Variants in NRXN1 observed in about 807,000 individuals in gnomAD.
The protein encoded by NRXN1 is neurexin 1.
A neutral mutation model predicts 150.9 loss-of-function variants in NRXN1; 39 were observed. The observed-to-expected ratio is 0.26, with a 90% confidence interval of 0.20 to 0.34. NRXN1 has a LOEUF of 0.34. Among genes scored for constraint, NRXN1 ranks in the 10% least tolerant of loss-of-function variants. The pLI is 1.00. For synonymous variants in NRXN1, 924 were observed against 757.0 expected, an observed-to-expected ratio of 1.22 and a Z score of -3.62; for missense variants, 1,815 against 1,949.9, an observed-to-expected ratio of 0.93 and a Z score of 1.30.
At chr2:50,694,241 T>A (rs1475763274) in intron 5 of NRXN1, among the ~76,000 whole-genome samples, 2 of 152,318 alleles carry the variant, frequency 1.3e-5, no homozygotes, top group Non-Finnish European at 2.9e-5. Context: ...TGGATTAGAC[T>A]AGAAAGAAAA....
intron 21 of NRXN1, among the ~76,000 whole-genome samples, chr2:49,960,692 C>T (rs1229739965): frequency 6.6e-6 from 1 of 152,068 alleles, no homozygotes; most frequent in Non-Finnish European, 1.5e-5. Context: ...AAATTAACAC[C>T]ACCCTCCCCA....
chr2:50,989,455 C>T (rs1044034353), intron 2 of NRXN1, among the ~76,000 whole-genome samples: 1 of 151,956 alleles, frequency 6.6e-6, no homozygotes, highest in African/African-American at 2.4e-5. Flanking sequence ...ACTCTGTTCA[C>T]CCTTGCCCCT....
intron 22 of NRXN1, among the ~76,000 whole-genome samples, chr2:49,929,138 TG>T (rs1429987752): frequency 6.6e-6 from 1 of 152,028 alleles, no homozygotes; most frequent in African/African-American, 2.4e-5. Flanking sequence ...AGGTATTGAA[TG>T]GGAAGGGATG....
chr2:50,589,882 G>A (rs956344162), intron 8 of NRXN1, among the ~76,000 whole-genome samples: 2 of 152,286 alleles, frequency 1.3e-5, no homozygotes, highest in African/African-American at 2.4e-5. Flanking sequence ...TCCTAGGCAC[G>A]TGCACCCTCA....
chr2:50,749,070 C>T (rs1375081308), intron 5 of NRXN1, among the ~76,000 whole-genome samples: 1 of 152,124 alleles, frequency 6.6e-6, no homozygotes, highest in Non-Finnish European at 1.5e-5. Context: ...AATCCATCCT[C>T]AGATTTTCTT....
intron 4 of NRXN1, 200 bp downstream of exon 4, chr2:50,922,458 A>G: frequency 1.5e-6 from 1 of 645,874 alleles, no homozygotes; most frequent in Non-Finnish European, 2.8e-6. Context: ...AAGGAAAATA[A>G]AAGCCACAGG....
chr2:50,642,854 A>G (rs940226793), intron 5 of NRXN1, among the ~76,000 whole-genome samples: 2 of 151,968 alleles, frequency 1.3e-5, no homozygotes, highest in African/African-American at 4.8e-5. Context: ...AAATAGACCA[A>G]TATGTGTGGA....
At chr2:50,040,357 T>A (rs1040352652) in intron 21 of NRXN1, among the ~76,000 whole-genome samples, 1 of 150,450 alleles carries the variant, frequency 6.6e-6, no homozygotes, top group Non-Finnish European at 1.5e-5. Context: ...CTAATATATA[T>A]CAAGTATTAT....
rs935580994 is a variant in NRXN1 at position 50,411,696 on chromosome 2, G to C, written c.3364+53746C>G. Among the ~76,000 whole-genome samples the C allele has an allele frequency of 7.3e-5, 3 of 40,822 alleles. No individual in the cohort carries two copies. In the Admixed American group the frequency reaches 8.3e-4, roughly 11 times the overall value. 26.8% of individuals were successfully genotyped at this position (40,822 alleles called of 152,430 possible). A position where few individuals can be genotyped will look rare whatever the true frequency, so the allele number is the denominator to read the frequency against. On this transcript the variant is annotated intron_variant, in intron 17 of 22. Coordinates refer to ENST00000401669, the MANE Select transcript of NRXN1 (RefSeq NM_001330078.2). ...CGGCAGCCGCCCTGTCTGGGAGGTG[G>C]GGGGGCAGCCCCCGCCCAGCCGCCA...
rs548220301 is a variant in NRXN1, at chr2:50,107,090, T to C, written c.3547-15596A>G. ...TAAATACACAAAAAAGAGAGCTTGATGACCACCTAAAATAACTTTTCAACA... is the reference window on the plus strand; with the variant it reads ...TAAATACACAAAAAAGAGAGCTTGACGACCACCTAAAATAACTTTTCAACA... On this transcript the variant is annotated intron_variant, in intron 18 of 22. Transcript: ENST00000401669. Among the ~76,000 whole-genome samples the C allele has an allele frequency of 2.0e-5, 3 of 152,158 alleles. No homozygotes were observed. The East Asian group carries it at 5.8e-4, about 29-fold the overall frequency.
chr2:50,543,156 A>G (rs2105290321), intron 9 of NRXN1, among the ~76,000 whole-genome samples: 1 of 152,276 alleles, frequency 6.6e-6, no homozygotes, highest in African/African-American at 2.4e-5. Flanking sequence ...TCATCCCTCT[A>G]TCTTTTTCCA....
At chr2:50,989,955 T>TA (rs1354843189) in intron 2 of NRXN1, among the ~76,000 whole-genome samples, 1 of 152,026 alleles carries the variant, frequency 6.6e-6, no homozygotes, top group Non-Finnish European at 1.5e-5. Context: ...GATTTTTAGT[T>TA]GCTTGCTCTA....
At chr2:50,522,720 ATTTTTTTTTT>A (rs869200431) in intron 12 of NRXN1, among the ~76,000 whole-genome samples, 2 of 47,726 alleles carry the variant, frequency 4.2e-5, no homozygotes, top group Non-Finnish European at 5.3e-5. Flanking sequence ...ATTTTTATTC[ATTTTTTTTTT>A]TTTTTTTTTT....
At chr2:50,596,618 A>G (rs1355316744) in intron 8 of NRXN1, among the ~76,000 whole-genome samples, 5 of 152,174 alleles carry the variant, frequency 3.3e-5, no homozygotes, top group Admixed American at 2.0e-4. Flanking sequence ...ATTTTATTAC[A>G]ACTACTAGAA....
At chr2:50,828,030 CCGAT>C (rs1314110113) in intron 5 of NRXN1, among the ~76,000 whole-genome samples, 1 of 149,960 alleles carries the variant, frequency 6.7e-6, no homozygotes, top group East Asian at 1.9e-4. Flanking sequence ...GGGCAACCAT[CCGAT>C]TTCTCAATCT....
chr2:51,005,698 A>T (rs1489715192), intron 2 of NRXN1, among the ~76,000 whole-genome samples: 1 of 151,990 alleles, frequency 6.6e-6, no homozygotes, highest in Non-Finnish European at 1.5e-5. Context: ...TTGCAAAAAT[A>T]AACCATAAGA....
At chr2:50,993,489 A>G (rs1304365553) in intron 2 of NRXN1, among the ~76,000 whole-genome samples, 5 of 151,826 alleles carry the variant, frequency 3.3e-5, no homozygotes, top group South Asian at 2.1e-4. Flanking sequence ...TCACTGCCTG[A>G]CACTTGGTTG....
chr2:50,156,370 T>C (rs762707408), intron 18 of NRXN1, among the ~76,000 whole-genome samples: 1 of 151,834 alleles, frequency 6.6e-6, no homozygotes, highest in Admixed American at 6.6e-5. Context: ...CGTGCCTGTG[T>C]TTTAGGTTAG....
chr2:50,310,003 C>T (rs1368312380), intron 17 of NRXN1, among the ~76,000 whole-genome samples: 2 of 152,132 alleles, frequency 1.3e-5, no homozygotes, highest in African/African-American at 2.4e-5. Context: ...AGAAAGCTTG[C>T]TATGTTTTCA....
Sources: gnomAD v4.1 joint callset for allele counts (sites outside exome capture counted in the v4.1 genomes callset) on GRCh38, gnomAD v4.1.1 for gene constraint, MANE v1.5 for transcripts, NCBI Gene and HGNC (gene_info 2026-07-23, HGNC 2026-07-21) for gene names.